Variants in ADAMTS18 observed in about 807,000 individuals in gnomAD.
ADAMTS18 encodes the protein ADAM metallopeptidase with thrombospondin type 1 motif 18.
Under a neutral mutation model 165.9 loss-of-function variants are expected in ADAMTS18, and 157 were observed. That is an observed-to-expected ratio of 0.95 (90% CI 0.83 to 1.08). The LOEUF is 1.08. Ranked by LOEUF, ADAMTS18 falls within the 50% of genes least tolerant of loss-of-function variation. ADAMTS18 has a pLI of 0.00. For missense variants in ADAMTS18, 2,040 were observed against 1,534.0 expected (o/e 1.33, Z -5.51); for synonymous variants, 782 against 578.2 (o/e 1.35, Z -5.06).
chr16:77,397,843 A>G (rs2057278154), intron 3 of ADAMTS18, among the ~76,000 whole-genome samples: 1 of 152,164 alleles, frequency 6.6e-6, no homozygotes, highest in Admixed American at 6.5e-5. Flanking sequence ...TGAAGACAGT[A>G]AGCACCTTCC....
At chr16:77,366,530 G>T (rs1053455509) in intron 4 of ADAMTS18, among the ~76,000 whole-genome samples, 3 of 152,208 alleles carry the variant, frequency 2.0e-5, no homozygotes, top group African/African-American at 7.2e-5. Context: ...CTTCACTCCA[G>T]CCTGGGCGAA....
In ADAMTS18 at chr16:77,295,058, C is replaced by G; in HGVS notation, c.2871G>C (p.Gln957His). 8 of 1,614,214 alleles carry G rather than the reference C, an allele frequency of 5.0e-6. No homozygotes were observed. The highest frequency in any genetic ancestry group is 6.8e-6 in the Non-Finnish European group (8 of 1,180,032). The change falls in exon 19 of 23, where the codon CAG becomes CAC. Residue 957 changes from glutamine (Q) to histidine (H), a missense_variant. By Grantham distance (24) the Gln-to-His change is conservative. Transcript: ENST00000282849. ...TTTGGAAGGGCTTCTTTTGCACACA[C>G]TGGATCTTTCGGCTCTGCTGGCCTC... ...CAGGQQSRKIQCVQKKPFQKE... is the reference protein window; with the variant it reads ...CAGGQQSRKIHCVQKKPFQKE...
intron 3 of ADAMTS18, among the ~76,000 whole-genome samples, chr16:77,379,471 C>T (rs1303719622): frequency 6.6e-6 from 1 of 152,022 alleles, no homozygotes; most frequent in Non-Finnish European, 1.5e-5. Flanking sequence ...ACCTTATATG[C>T]TGGCTATCTG....
intron 3 of ADAMTS18, among the ~76,000 whole-genome samples, chr16:77,374,218 C>CAAAA (rs567551649): frequency 1.2e-4 from 10 of 85,414 alleles, no homozygotes; most frequent in African/African-American, 3.7e-4. Flanking sequence ...GACTCCATCT[C>CAAAA]AAAAAAAAAA....
At chr16:77,322,276 C>T (rs945905809) in intron 14 of ADAMTS18, 60 bp downstream of exon 14, 4 of 1,591,292 alleles carry the variant, frequency 2.5e-6, no homozygotes, top group African/African-American at 1.3e-5. Flanking sequence ...GTTCACGGTA[C>T]ACACGATATG....
intron 10 of ADAMTS18, among the ~76,000 whole-genome samples, chr16:77,343,774 T>G (rs2056434333): frequency 6.6e-6 from 1 of 152,202 alleles, no homozygotes; most frequent in African/African-American, 2.4e-5. Context: ...TTAAAGTTGA[T>G]ATTTACAATT....
chr16:77,353,687 A>G, intron 10 of ADAMTS18, 46 bp downstream of exon 10: 1 of 1,613,634 alleles, frequency 6.2e-7, no homozygotes, highest in Non-Finnish European at 8.5e-7. Context: ...GGACACAGAC[A>G]CATTGCAGAG....
At position 77,322,433 on chromosome 16, in the gene ADAMTS18, T is replaced by A; in HGVS notation, c.2066A>T (p.Glu689Val). Reference sequence around the variant, plus strand: ...CATTGCAAAAAAAAATTCAAAGTTCTCAGCCTTGCAGTACAGTTTGCATCG... The same window carrying A: ...CATTGCAAAAAAAAATTCAAAGTTCACAGCCTTGCAGTACAGTTTGCATCG... ...EDRCKLYCKA[E>V]NFEFFFAMSG... is the part of the protein sequence containing the mutation. Residue 689 changes from glutamate to valine, a missense_variant, in exon 14 of 23, where the codon GAG becomes GTG. By Grantham distance (121) the Glu-to-Val change is moderately radical. Coordinates refer to ENST00000282849, the MANE Select transcript of ADAMTS18 (RefSeq NM_199355.4). The A allele has an allele frequency of 6.2e-7, 1 of 1,614,062 alleles. No homozygotes were observed. Among genetic ancestry groups the A allele is most frequent in the Non-Finnish European group, 8.5e-7 (1 of 1,179,958 alleles).
chr16:77,337,408 C>G (rs2056327056), intron 11 of ADAMTS18, among the ~76,000 whole-genome samples: 1 of 152,186 alleles, frequency 6.6e-6, no homozygotes, highest in Admixed American at 6.5e-5. Flanking sequence ...AGTATCTCAT[C>G]TAATCCTTGC....
At chr16:77,354,481 G>C (rs1330046641) in intron 9 of ADAMTS18, among the ~76,000 whole-genome samples, 2 of 152,048 alleles carry the variant, frequency 1.3e-5, no homozygotes, top group African/African-American at 4.8e-5. Flanking sequence ...GTGACTTGTT[G>C]AGAGCAAAAA....
At chr16:77,434,380 C>T in intron 2 of ADAMTS18, 38 bp downstream of exon 2, 3 of 1,545,496 alleles carry the variant, frequency 1.9e-6, no homozygotes, top group Non-Finnish European at 2.6e-6. Context: ...CAAAGTGCTG[C>T]GAAAGGCCCT....
Position 77,363,785 on chromosome 16 carries a change from T to C in ADAMTS18, c.1056+17A>G. The C allele has an allele frequency of 6.2e-7, 1 of 1,611,022 alleles. No homozygotes were observed. The highest frequency in any genetic ancestry group is 8.5e-7 in the Non-Finnish European group (1 of 1,177,304). On this transcript the variant is annotated intron_variant, in intron 6 of 22. Coordinates refer to ENST00000282849, the MANE Select transcript of ADAMTS18 (RefSeq NM_199355.4). ...ACGGCAGACTGAATGAAGACATAAATGAAGTTTGCCACTTACAGGTTCTTG... is the reference window on the plus strand; with the variant it reads ...ACGGCAGACTGAATGAAGACATAAACGAAGTTTGCCACTTACAGGTTCTTG...
In ADAMTS18 at chr16:77,297,355, A is replaced by C. The variant is rs766548161; in HGVS notation, c.2735T>G (p.Phe912Cys). 2 of 1,614,040 alleles carry C rather than the reference A, an allele frequency of 1.2e-6. No homozygotes were observed. Among genetic ancestry groups the C allele is most frequent in the Admixed American group, 3.3e-5 (2 of 60,012 alleles). Residue 912 changes from phenylalanine to cysteine, a missense_variant, in exon 18 of 23, where the codon TTC becomes TGC. Transcript: ENST00000282849. The stretch of plus-strand genomic sequence containing the variant: ...TACTGGCTTGGTTTTTGCACTGCAG[A>C]ATGAGGAATTGACTTGAGTATTTTG... ...RDQNTQVNSS[F>C]CSAKTKPVTE...
intron 12 of ADAMTS18, among the ~76,000 whole-genome samples, chr16:77,333,793 C>A (rs1390054853): frequency 6.8e-6 from 1 of 147,676 alleles, no homozygotes; most frequent in African/African-American, 2.5e-5. Flanking sequence ...ACTAATGCTG[C>A]TAGATAGTAT....
intron 3 of ADAMTS18, among the ~76,000 whole-genome samples, chr16:77,369,651 G>T (rs2056848556): frequency 6.6e-6 from 1 of 152,174 alleles, no homozygotes; most frequent in Non-Finnish European, 1.5e-5. Flanking sequence ...CTTCCCTGAT[G>T]ATTTCTATCA....
chr16:77,361,642 G>C (rs947218569), intron 7 of ADAMTS18, among the ~76,000 whole-genome samples: 23 of 152,200 alleles, frequency 1.5e-4, no homozygotes, highest in African/African-American at 4.6e-4. Flanking sequence ...CCAGGACTTT[G>C]GGAGACCAAG....
intron 3 of ADAMTS18, among the ~76,000 whole-genome samples, chr16:77,378,042 A>G (rs755338622): frequency 2.6e-5 from 4 of 152,146 alleles, no homozygotes; most frequent in Non-Finnish European, 5.9e-5. Flanking sequence ...ATTCAGCAGC[A>G]ATGGGCCAGG....
At chr16:77,308,205 A>T (rs1176214655) in intron 16 of ADAMTS18, among the ~76,000 whole-genome samples, 1 of 152,172 alleles carries the variant, frequency 6.6e-6, no homozygotes, top group Non-Finnish European at 1.5e-5. Context: ...TCTATTTTTT[A>T]AAACTTTTTA....
At chr16:77,412,241 T>C (rs562019592) in intron 3 of ADAMTS18, among the ~76,000 whole-genome samples, 2 of 152,326 alleles carry the variant, frequency 1.3e-5, no homozygotes, top group African/African-American at 4.8e-5. Flanking sequence ...ACTCGTACCA[T>C]TGGCTTTTCT....
Sources: gnomAD v4.1 joint callset for allele counts (sites outside exome capture counted in the v4.1 genomes callset) on GRCh38, gnomAD v4.1.1 for gene constraint, MANE v1.5 for transcripts, NCBI Gene and HGNC (gene_info 2026-07-23, HGNC 2026-07-21) for gene names.